The following ARRDC3 variants were observed in gnomAD, a reference collection of about 807,000 sequenced individuals.
ARRDC3 encodes the protein arrestin domain containing 3.
A neutral mutation model predicts 47.2 loss-of-function variants in ARRDC3; 10 were observed. The ratio of observed to expected loss-of-function variants is 0.21; its 90% CI spans 0.13 to 0.36. The LOEUF is 0.36. Among genes scored for constraint, ARRDC3 ranks in the 10% least tolerant of loss-of-function variants. ARRDC3 has a pLI of 1.00. For missense variants in ARRDC3, 381 were observed against 503.6 expected (o/e 0.76, Z 2.33); for synonymous variants, 156 against 178.3 (o/e 0.87, Z 1.00).
chr5:91,379,361 T>G lies in ARRDC3; in HGVS notation c.281-586A>C, dbSNP rs375898154. 1.3e-4 allele frequency among the ~76,000 whole-genome samples: 20 copies of G among 150,882 alleles called. No individual in the cohort carries two copies. In the East Asian group the frequency reaches 1.7e-3, roughly 13 times the overall value. On this transcript the variant is annotated intron_variant, in intron 1 of 7. Coordinates refer to ENST00000265138, the MANE Select transcript of ARRDC3 (RefSeq NM_020801.4). ...ATTTATAACTAAAAATAATTATTTA[T>G]TGAACTAAAAATAATTATTTATTGA...
chr5:91,372,804 T>C (rs1399610089), intron 7 of ARRDC3, among the ~76,000 whole-genome samples: 9 of 152,108 alleles, frequency 5.9e-5, no homozygotes, highest in Admixed American at 5.9e-4. Context: ...CTATGTAAAT[T>C]ACAGTAACCA....
chr5:91,378,262 C>G (rs746573862), intron 2 of ARRDC3, among the ~76,000 whole-genome samples: 2 of 151,818 alleles, frequency 1.3e-5, no homozygotes, highest in African/African-American at 4.8e-5. Context: ...TTTTTATTTT[C>G]GAAACTTACT....
intron 6 of ARRDC3, 33 bp from the exon 7 acceptor site, chr5:91,373,871 C>T (rs941260972): frequency 6.2e-7 from 1 of 1,612,374 alleles, no homozygotes; most frequent in Admixed American, 1.7e-5. Context: ...ATTCGAACAG[C>T]ATGTTCTTAT....
intron 1 of ARRDC3, chr5:91,380,334 C>G (rs923492990): frequency 6.5e-6 from 1 of 153,036 alleles, no homozygotes; most frequent in Admixed American, 6.6e-5. Flanking sequence ...GGCGAGCGAG[C>G]CGCGGCGCTT....
Position 91,375,528 on chromosome 5 carries a change from C to G in ARRDC3, c.596G>C (p.Arg199Thr). The part of the protein sequence containing the change: ...GPISLSAKIE[R>T]KGYTPGESIQ... ...TTACATACCTGGGGTATAGCCCTTC[C>G]TTTCAATTTTGGCACTTAAGGATAT... Residue 199 changes from arginine (R) to threonine (T), a missense_variant, in exon 4 of 8, where the codon AGG (arginine) becomes ACG (threonine). Transcript: ENST00000265138. 1 of 1,610,914 alleles carries G rather than the reference C, an allele frequency of 6.2e-7. No homozygotes were observed. The highest frequency in any genetic ancestry group is 8.5e-7 in the Non-Finnish European group (1 of 1,178,244).
At chr5:91,378,550 A>T in intron 2 of ARRDC3, 144 bp downstream of exon 2, 1 of 557,712 alleles carries the variant, frequency 1.8e-6, no homozygotes, top group Non-Finnish European at 3.1e-6. Context: ...TCTTATGTTT[A>T]ATATATTGTT....
At position 91,373,806 on chromosome 5, in the gene ARRDC3, C is replaced by CCT; in HGVS notation, c.1064_1065dup (p.Glu356ArgfsTer11). ...GGTGCAAGATTGTTCCGCCTTTGTT[C>CCT]CTCTGTTACCACTTCTGCATAGCTG... is the stretch of plus-strand genomic sequence containing the variant. On this transcript the variant is annotated frameshift_variant, in exon 7 of 8. Transcript: ENST00000265138. LOFTEE classifies it high-confidence loss of function. The CCT allele has an allele frequency of 6.2e-7, 1 of 1,614,022 alleles. No homozygotes were observed. Among genetic ancestry groups the CCT allele is most frequent in the Non-Finnish European group, 8.5e-7 (1 of 1,179,940 alleles).
chr5:91,373,543 T>C, intron 7 of ARRDC3, 141 bp downstream of exon 7: 1 of 881,952 alleles, frequency 1.1e-6, no homozygotes, highest in Non-Finnish European at 1.7e-6. Flanking sequence ...GAACCTAATA[T>C]TAACTTTTAA....
At position 91,371,132 on chromosome 5, in the gene ARRDC3, C is replaced by T. The variant is rs1033426381; in HGVS notation, c.*268G>A. The T allele has an allele frequency of 1.1e-5, 4 of 380,290 alleles. No individual in the cohort carries two copies. The highest frequency in any genetic ancestry group is 8.4e-5 in the Admixed American group (2 of 23,726). The allele number at this position is 380,290 out of a possible 1,614,324, so 23.6% of individuals were successfully genotyped here. A position where few individuals can be genotyped will look rare whatever the true frequency, so the allele number is the denominator to read the frequency against. On this transcript the variant is annotated 3_prime_UTR_variant, in exon 8 of 8. Coordinates refer to ENST00000265138, the MANE Select transcript of ARRDC3 (RefSeq NM_020801.4). ...CCCTCTTTACAACGTGATGTCTTGA[C>T]ACGTACGACCATAGGCTAAGAAGAC...
Position 91,378,914 on chromosome 5 carries a change from A to C in ARRDC3, c.281-139T>G. ...TTGGAGTCTGAGAGATCTGAGTTCT[A>C]ATTCTAACTTCATCATTTCCTCTGG... is the stretch of plus-strand genomic sequence containing the variant. On this transcript the variant is annotated intron_variant, in intron 1 of 7. Transcript: ENST00000265138. 3 of 490,294 alleles carry C rather than the reference A, an allele frequency of 6.1e-6. No individual in the cohort carries two copies. The East Asian group carries it at 1.0e-4, about 17-fold the overall frequency. 30.4% of individuals were successfully genotyped at this position (490,294 alleles called of 1,614,324 possible).
At chr5:91,377,868 A>C (rs1227419792) in intron 2 of ARRDC3, among the ~76,000 whole-genome samples, 5 of 152,090 alleles carry the variant, frequency 3.3e-5, no homozygotes, top group South Asian at 2.1e-4. Context: ...TTCTCTCTCT[A>C]TATATAACAT....
intron 1 of ARRDC3, among the ~76,000 whole-genome samples, chr5:91,382,018 ATCTC>A (rs1002717361): frequency 1.3e-5 from 2 of 152,206 alleles, no homozygotes; most frequent in Non-Finnish European, 2.9e-5. Context: ...ACAACCCTTT[ATCTC>A]TCTCTTCTAA....
At chr5:91,382,750 A>G (rs576853592) in intron 1 of ARRDC3, 63 bp downstream of exon 1, 4 of 1,506,384 alleles carry the variant, frequency 2.7e-6, no homozygotes, top group East Asian at 2.3e-5. Flanking sequence ...TTAATTCAGA[A>G]AACTGAAAAG....
intron 4 of ARRDC3, 71 bp downstream of exon 4, chr5:91,375,440 G>T: frequency 9.7e-7 from 1 of 1,032,652 alleles, no homozygotes. Context: ...ATATTTAGTA[G>T]TCATATTATA....
At chr5:91,382,673 G>A in intron 1 of ARRDC3, 140 bp downstream of exon 1, 1 of 914,378 alleles carries the variant, frequency 1.1e-6, no homozygotes, top group Non-Finnish European at 1.6e-6. Context: ...ACGTCAAGGA[G>A]AATCCAAACC....
rs779921286 is a variant in ARRDC3 at position 91,376,786 on chromosome 5, G to T, written c.363-18C>A. ...CGAGTGGTCTGTGCAGAATATAAAG[G>T]TCAATATATTAATTTTATACCTCTT... On this transcript the variant is annotated intron_variant, in intron 2 of 7. Transcript: ENST00000265138. The T allele has an allele frequency of 6.3e-7, 1 of 1,591,596 alleles. No homozygotes were observed. Among genetic ancestry groups the T allele is most frequent in the Non-Finnish European group, 8.5e-7 (1 of 1,171,098 alleles).
rs759863842 is a variant in ARRDC3, at chr5:91,376,818, A to C, written c.363-50T>G. ...TATTAATTTTATACCTCTTTCTAAC[A>C]ATTACACAGTAGGTCAGAATAGAAG... On this transcript the variant is annotated intron_variant, in intron 2 of 7. Transcript: ENST00000265138. 4.0e-6 allele frequency: 6 copies of C among 1,517,802 alleles called. No individual in the cohort carries two copies. The Admixed American group carries it at 5.9e-5, about 15-fold the overall frequency. The allele number at this position is 1,517,802 out of a possible 1,614,324, so 94.0% of individuals were successfully genotyped here. A position where few individuals can be genotyped will look rare whatever the true frequency, so the allele number is the denominator to read the frequency against.
chr5:91,374,074 G>C (rs777743615), intron 6 of ARRDC3, 40 bp downstream of exon 6: 1 of 1,582,874 alleles, frequency 6.3e-7, no homozygotes, highest in Non-Finnish European at 8.6e-7. Flanking sequence ...CTTGATAATA[G>C]TAGTAAGAGA....
Position 91,382,738 on chromosome 5 carries a change from C to T in ARRDC3, c.280+75G>A, listed in dbSNP as rs995202127. On this transcript the variant is annotated intron_variant, in intron 1 of 7. Transcript: ENST00000265138. Reference sequence around the variant, plus strand: ...CTTAGTTATGCTAGGAGTAGAATCACGTTAATTCAGAAAACTGAAAAGGTA... The same window carrying T: ...CTTAGTTATGCTAGGAGTAGAATCATGTTAATTCAGAAAACTGAAAAGGTA... The T allele has an allele frequency of 2.9e-5, 42 of 1,449,712 alleles. No individual in the cohort carries two copies. The African/African-American group carries it at 5.5e-4, about 19-fold the overall frequency. 89.8% of individuals were successfully genotyped at this position (1,449,712 alleles called of 1,614,324 possible).
Sources: allele counts gnomAD v4.1 joint callset (sites outside exome capture counted in the v4.1 genomes callset), GRCh38; gene constraint gnomAD v4.1.1; transcripts MANE v1.5; gene names NCBI Gene and HGNC (gene_info 2026-07-23, HGNC 2026-07-21).